Variants in RBM44 observed in about 807,000 individuals in gnomAD.
RBM44 encodes the protein RNA binding motif protein 44.
RBM44 carries 66 observed loss-of-function variants against 105.1 expected under a neutral mutation model. The observed-to-expected ratio is 0.63, with a 90% confidence interval of 0.52 to 0.77. RBM44 has a LOEUF of 0.77. Ranked by LOEUF, RBM44 falls within the 30% of genes least tolerant of loss-of-function variation. The pLI, the probability that RBM44 is intolerant of heterozygous loss-of-function variation, is 0.00. For synonymous variants in RBM44, 365 were observed against 417.6 expected (o/e 0.87, Z 1.54); for missense variants, 1,122 against 1,207.8 (o/e 0.93, Z 1.05).
In RBM44 at chr2:237,834,389, T is replaced by C; in HGVS notation, c.3144T>C (p.Ser1048=). Residue 1048 remains serine (S), a synonymous_variant, in exon 15 of 16, where the codon TCT becomes TCC. Transcript: ENST00000316997. ...VEMTSSLLKN[S]ASS ...TGACTTCATCTCTTCTGAAAAACTC[T>C]GCTTCCAGTTAGGAATTCAAAAAAC... 6.6e-7 allele frequency: 1 copy of C among 1,519,552 alleles called. No homozygotes were observed. Among genetic ancestry groups the C allele is most frequent in the African/African-American group, 1.4e-5 (1 of 71,778 alleles). 94.1% of individuals were successfully genotyped at this position (1,519,552 alleles called of 1,614,324 possible).
chr2:237,827,785 A>G (rs758097218), intron 12 of RBM44, among the ~76,000 whole-genome samples: 3 of 152,180 alleles, frequency 2.0e-5, no homozygotes, highest in Non-Finnish European at 4.4e-5. Context: ...TCATAGGGGA[A>G]GTAGAGCACA....
chr2:237,821,266 T>G lies in RBM44; in HGVS notation c.2097+12T>G. The G allele has an allele frequency of 1.9e-6, 3 of 1,568,378 alleles. No homozygotes were observed. The highest frequency in any genetic ancestry group is 2.6e-6 in the Non-Finnish European group (3 of 1,157,804). Reference sequence around the variant, plus strand: ...CTTTTGCTTCCAGGGTATGTATATATGTTTTAGAAATAAAAAATTTTACTT... The same window carrying G: ...CTTTTGCTTCCAGGGTATGTATATAGGTTTTAGAAATAAAAAATTTTACTT... On this transcript the variant is annotated intron_variant, in intron 6 of 15. Transcript: ENST00000316997.
At position 237,813,624 on chromosome 2, in the gene RBM44, A is replaced by G. The variant is rs763768837; in HGVS notation, c.15A>G (p.Ala5=). The G allele has an allele frequency of 3.7e-6, 6 of 1,608,524 alleles. No homozygotes were observed. In the Admixed American group the frequency reaches 8.3e-5, roughly 22 times the overall value. MQAT[A]VVETASGKGY... ...ATCTTTGAATGATGCAGGCCACTGCAGTGGTGGAGACAGCATCTGGTAAAG... is the reference window on the plus strand; with the variant it reads ...ATCTTTGAATGATGCAGGCCACTGCGGTGGTGGAGACAGCATCTGGTAAAG... Residue 5 remains alanine (A), a synonymous_variant, in exon 2 of 16, where the codon GCA becomes GCG. Transcript: ENST00000316997.
intron 1 of RBM44, among the ~76,000 whole-genome samples, chr2:237,804,338 A>G (rs2061577302): frequency 1.3e-5 from 2 of 152,222 alleles, no homozygotes; most frequent in Admixed American, 6.5e-5. Context: ...GCTGGGTCAA[A>G]TGGTAGCTCT....
At chr2:237,821,939 T>A (rs1485602266) in intron 8 of RBM44, 112 bp downstream of exon 8, 1 of 684,040 alleles carries the variant, frequency 1.5e-6, no homozygotes, top group Non-Finnish European at 2.6e-6. Context: ...ACTGGCTTAC[T>A]TTGTGTACTA....
In RBM44 at chr2:237,818,462, CA is replaced by C. The variant is rs2061746453; in HGVS notation, c.1549del (p.Ser517ValfsTer15). 1.9e-6 allele frequency: 3 copies of C among 1,612,238 alleles called. No individual in the cohort carries two copies. The African/African-American group carries it at 4.0e-5, about 22-fold the overall frequency. On this transcript the variant is annotated frameshift_variant, in exon 3 of 16. Transcript: ENST00000316997. LOFTEE classifies it high-confidence loss of function. This position sits in a 1 kb window ranked among gnomAD's most constrained non-coding sequence, Gnocchi z 4.6. ...ACCTGATGAATGGCAAAATGAGAAA[CA>C]AAAAAGTGTGGCTTGTAGTACAGAT... ...KRPDEWQNEK[Q>X]KSVACSTDWS...
intron 12 of RBM44, among the ~76,000 whole-genome samples, chr2:237,827,757 A>G (rs946632421): frequency 6.6e-6 from 1 of 152,082 alleles, no homozygotes; most frequent in African/African-American, 2.4e-5. Context: ...TGTATACTTT[A>G]TCTTGCTACA....
chr2:237,840,210 A>AGG (rs1559925931), intron 15 of RBM44, among the ~76,000 whole-genome samples: 1 of 141,774 alleles, frequency 7.1e-6, no homozygotes, highest in African/African-American at 2.6e-5. Flanking sequence ...AAAAAAAAAA[A>AGG]GGGCACACGG....
intron 10 of RBM44, among the ~76,000 whole-genome samples, chr2:237,825,395 G>A (rs1171149695): frequency 9.2e-5 from 14 of 152,034 alleles, no homozygotes; most frequent in African/African-American, 2.2e-4. Context: ...TAGTAGTGAC[G>A]GGGTTTCACC....
At chr2:237,828,735 T>C (rs1489195705) in intron 12 of RBM44, among the ~76,000 whole-genome samples, 1 of 152,154 alleles carries the variant, frequency 6.6e-6, no homozygotes, top group East Asian at 1.9e-4. Flanking sequence ...TTCCAACTCT[T>C]TGTTTTTGTC....
At chr2:237,810,657 C>T (rs906796707) in intron 1 of RBM44, among the ~76,000 whole-genome samples, 11 of 152,146 alleles carry the variant, frequency 7.2e-5, no homozygotes, top group Admixed American at 2.6e-4. Context: ...GAAGAGCTCT[C>T]GAGTCTGCCT....
intron 13 of RBM44, among the ~76,000 whole-genome samples, chr2:237,830,609 A>T (rs1559921027): frequency 6.6e-6 from 1 of 151,980 alleles, no homozygotes; most frequent in Non-Finnish European, 1.5e-5. Context: ...GTTTATTTGC[A>T]TTTGTTTCTG....
At chr2:237,815,997 A>G (rs1237691994) in intron 2 of RBM44, among the ~76,000 whole-genome samples, 1 of 152,124 alleles carries the variant, frequency 6.6e-6, no homozygotes, top group African/African-American at 2.4e-5. Context: ...TTCTTAGCAC[A>G]TCATAAAGGG....
chr2:237,821,861 T>C lies in RBM44; in HGVS notation c.2205+34T>C, dbSNP rs376476631. 83 of 1,357,750 alleles carry C rather than the reference T, an allele frequency of 6.1e-5. 1 individual carries two copies. The African/African-American group carries it at 1.0e-3, about 17-fold the overall frequency. The allele number at this position is 1,357,750 out of a possible 1,614,324, so 84.1% of individuals were successfully genotyped here. A position where few individuals can be genotyped will look rare whatever the true frequency, so the allele number is the denominator to read the frequency against. On this transcript the variant is annotated intron_variant, in intron 8 of 15. Coordinates refer to ENST00000316997, the MANE Select transcript of RBM44 (RefSeq NM_001080504.3). ...CCTTGAAAGTTCATCAATGCAAATC[T>C]TTAAGTGTATGGTTTACGTAAAGTA...
At chr2:237,821,492 T>TC (rs2061789559) in intron 7 of RBM44, 124 bp downstream of exon 7, 1 of 831,970 alleles carries the variant, frequency 1.2e-6, no homozygotes, top group South Asian at 1.7e-5. Context: ...GAAGTGTTTA[T>TC]CTTTTTTCTT....
chr2:237,836,130 C>G (rs1394578054), intron 15 of RBM44, among the ~76,000 whole-genome samples: 2 of 152,254 alleles, frequency 1.3e-5, no homozygotes, highest in Non-Finnish European at 2.9e-5. Context: ...AGGACAGGCA[C>G]GCTCTCTTGT....
chr2:237,836,114 C>A (rs2061956828), intron 15 of RBM44, among the ~76,000 whole-genome samples: 1 of 152,140 alleles, frequency 6.6e-6, no homozygotes, highest in South Asian at 2.1e-4. Flanking sequence ...CAATTCCTAG[C>A]TTCAAAGGAC....
intron 15 of RBM44, among the ~76,000 whole-genome samples, chr2:237,836,778 C>CAAA (rs71039782): frequency 3.4e-5 from 3 of 87,980 alleles, no homozygotes; most frequent in Non-Finnish European, 4.8e-5. Flanking sequence ...GACTCCGTCT[C>CAAA]AAAAAAAAAA....
intron 1 of RBM44, among the ~76,000 whole-genome samples, chr2:237,805,496 C>A (rs1320296593): frequency 1.3e-5 from 2 of 152,124 alleles, no homozygotes; most frequent in African/African-American, 2.4e-5. Context: ...ATTCTAAATT[C>A]ATATGGAACC....
Sources: allele counts gnomAD v4.1 joint callset (sites outside exome capture counted in the v4.1 genomes callset), GRCh38; gene constraint gnomAD v4.1.1; non-coding constraint Gnocchi (gnomAD v3.1); transcripts MANE v1.5; gene names NCBI Gene and HGNC (gene_info 2026-07-23, HGNC 2026-07-21).